The following TTC28 variants were observed in gnomAD, a reference collection of about 807,000 sequenced individuals.
TTC28 encodes the protein tetratricopeptide repeat domain 28, also known as tetratricopeptide repeat protein 28.
In TTC28, 61 loss-of-function variants were observed where a neutral mutation model predicts 198.0. That is an observed-to-expected ratio of 0.31 (90% CI 0.25 to 0.38). The LOEUF (loss-of-function observed/expected upper bound fraction) is 0.38, where lower values mean the gene tolerates loss of function less well. TTC28 is among the 10% of genes least tolerant of loss of function. The pLI, the probability that TTC28 is intolerant of heterozygous loss-of-function variation, is 1.00. For missense variants in TTC28, 2,678 were observed against 3,164.0 expected (o/e 0.85, Z 3.69); for synonymous variants, 1,171 against 1,297.8 (o/e 0.90, Z 2.10).
At chr22:28,434,025 A>G (rs751615082) in intron 2 of TTC28, among the ~76,000 whole-genome samples, 6 of 152,238 alleles carry the variant, frequency 3.9e-5, no homozygotes, top group South Asian at 2.1e-4. Context: ...CTAAAACCAG[A>G]AAGTATAAAG....
chr22:28,676,190 A>G (rs1404038169), intron 1 of TTC28, among the ~76,000 whole-genome samples: 1 of 152,236 alleles, frequency 6.6e-6, no homozygotes, highest in East Asian at 1.9e-4. Context: ...AAAAGAATGA[A>G]GTGCTGATAT....
intron 5 of TTC28, among the ~76,000 whole-genome samples, chr22:28,176,809 A>G (rs1354273781): frequency 6.6e-6 from 1 of 152,224 alleles, no homozygotes; most frequent in Non-Finnish European, 1.5e-5. Context: ...GAGAAAGGAT[A>G]GTCTTTTCAA....
intron 5 of TTC28, among the ~76,000 whole-genome samples, chr22:28,205,073 G>A (rs1569196919): frequency 6.6e-6 from 1 of 152,062 alleles, no homozygotes; most frequent in East Asian, 1.9e-4. Context: ...CCATCATAAT[G>A]GTCCTTATGA....
chr22:27,998,249 G>A, intron 16 of TTC28: 1 of 505,440 alleles, frequency 2.0e-6, no homozygotes, highest in Non-Finnish European at 3.5e-6. Flanking sequence ...TGGGTTAAAT[G>A]AGGGTGCCAT....
intron 12 of TTC28, among the ~76,000 whole-genome samples, chr22:28,046,959 T>A (rs1460688974): frequency 6.6e-6 from 1 of 152,148 alleles, no homozygotes; most frequent in Admixed American, 6.5e-5. Context: ...CAGATGCACA[T>A]AGGAAATGGC....
At chr22:28,467,200 C>A (rs972884660) in intron 2 of TTC28, among the ~76,000 whole-genome samples, 7 of 152,234 alleles carry the variant, frequency 4.6e-5, no homozygotes, top group Non-Finnish European at 8.8e-5. Flanking sequence ...GCAGGAGACT[C>A]ACTTGAGCCC....
chr22:28,212,294 G>A (rs973676528), intron 5 of TTC28, among the ~76,000 whole-genome samples: 46 of 151,624 alleles, frequency 3.0e-4, no homozygotes, highest in South Asian at 8.4e-4. Context: ...AACTGAAGGA[G>A]ATAGAGACAC....
chr22:28,009,664 C>T (rs1938064936), intron 14 of TTC28, among the ~76,000 whole-genome samples: 1 of 152,326 alleles, frequency 6.6e-6, no homozygotes, highest in Admixed American at 6.5e-5. Context: ...TCGGCATGGC[C>T]CACCGGCCTC....
chr22:28,001,194 GT>G, intron 15 of TTC28, 179 bp downstream of exon 15: 1 of 713,542 alleles, frequency 1.4e-6, no homozygotes, highest in Non-Finnish European at 2.2e-6. Context: ...CATGAGGGCC[GT>G]GCCCCACTTT....
chr22:28,107,731 T>G lies in TTC28; in HGVS notation c.2114A>C (p.Gln705Pro). The change falls in exon 7 of 23, where the codon CAG becomes CCG. Residue 705 changes from glutamine to proline, a missense_variant. Physicochemically the swap from Gln to Pro is moderately conservative, Grantham distance 76. Coordinates refer to ENST00000397906, the MANE Select transcript of TTC28 (RefSeq NM_001145418.2). ...TTTAGCCTGGGAATTATTCAGAGAC[T>G]GGGCTAGGGACAGTAGGTACTTCTG... The part of the protein sequence containing the change: ...ECQKYLLSLA[Q>P]SLNNSQAKFR... 1 of 1,551,902 alleles carries G rather than the reference T, an allele frequency of 6.4e-7. No homozygotes were observed. The highest frequency in any genetic ancestry group is 1.4e-5 in the African/African-American group (1 of 73,182).
At chr22:28,512,101 A>C (rs895875649) in intron 2 of TTC28, among the ~76,000 whole-genome samples, 8 of 152,138 alleles carry the variant, frequency 5.3e-5, no homozygotes, top group Non-Finnish European at 8.8e-5. Context: ...TTACAAAAAA[A>C]AAACAAACAA....
chr22:28,064,225 AT>A (rs1233347535), intron 12 of TTC28, among the ~76,000 whole-genome samples: 1 of 152,192 alleles, frequency 6.6e-6, no homozygotes, highest in Non-Finnish European at 1.5e-5. Context: ...AGAACTGAAG[AT>A]GAAGGAATAG....
chr22:28,671,240 C>T (rs905098797), intron 1 of TTC28, among the ~76,000 whole-genome samples: 4 of 151,990 alleles, frequency 2.6e-5, no homozygotes, highest in African/African-American at 9.7e-5. Flanking sequence ...CCACCTCAAC[C>T]GGCCTGTTTA....
intron 2 of TTC28, among the ~76,000 whole-genome samples, chr22:28,612,496 T>C (rs549298113): frequency 1.3e-5 from 2 of 152,070 alleles, no homozygotes; most frequent in Non-Finnish European, 2.9e-5. Context: ...TCTACAGAAC[T>C]CTCCACCCAA....
At chr22:28,032,742 C>T (rs954666289) in intron 12 of TTC28, among the ~76,000 whole-genome samples, 1 of 152,138 alleles carries the variant, frequency 6.6e-6, no homozygotes, top group Admixed American at 6.6e-5. Flanking sequence ...CTCCCTCCCC[C>T]TCCCCCTAAA....
intron 2 of TTC28, among the ~76,000 whole-genome samples, chr22:28,459,033 G>A: frequency 6.6e-6 from 1 of 152,106 alleles, no homozygotes; most frequent in Non-Finnish European, 1.5e-5. Context: ...GTGGGTGTGT[G>A]GACGTGTGTG....
intron 2 of TTC28, among the ~76,000 whole-genome samples, chr22:28,567,051 C>G (rs2049980529): frequency 6.6e-6 from 1 of 151,964 alleles, no homozygotes; most frequent in Non-Finnish European, 1.5e-5. Flanking sequence ...GCCATCTCTA[C>G]TAAAAATACA....
chr22:28,597,941 G>A (rs973532109), intron 2 of TTC28, among the ~76,000 whole-genome samples: 24 of 151,814 alleles, frequency 1.6e-4, no homozygotes, highest in Non-Finnish European at 2.9e-5. Context: ...ATAGGCACAT[G>A]CCACCACACC....
chr22:28,633,543 G>A (rs1054853968), intron 1 of TTC28, among the ~76,000 whole-genome samples: 5 of 151,962 alleles, frequency 3.3e-5, no homozygotes, highest in Admixed American at 6.6e-5. Flanking sequence ...AGGGAGGACC[G>A]CTTGAGCCTA....
Sources: gnomAD v4.1 joint callset for allele counts (sites outside exome capture counted in the v4.1 genomes callset) on GRCh38, gnomAD v4.1.1 for gene constraint, MANE v1.5 for transcripts, NCBI Gene and HGNC (gene_info 2026-07-23, HGNC 2026-07-21) for gene names.